UGT8: variants seen among roughly 807,000 people sequenced by gnomAD.
UGT8 encodes 2-hydroxyacylsphingosine 1-beta-galactosyltransferase.
In UGT8, 12 loss-of-function variants were observed where a neutral mutation model predicts 40.5. The observed-to-expected ratio is 0.30, with a 90% CI of 0.19 to 0.48. The LOEUF is 0.48. UGT8 is among the 20% of genes least tolerant of loss of function. The pLI is 0.99. For missense variants in UGT8, 513 were observed against 648.7 expected, an observed-to-expected ratio of 0.79 and a Z score of 2.27; for synonymous variants, 224 against 240.4, an observed-to-expected ratio of 0.93 and a Z score of 0.63.
In UGT8 at chr4:114,649,730, C is replaced by T. The variant is rs577405666; in HGVS notation, c.823-14265C>T. 4.6e-5 allele frequency among the ~76,000 whole-genome samples: 7 copies of T among 152,088 alleles called. 1 individual carries two copies. In the East Asian group the frequency reaches 1.2e-3, roughly 25 times the overall value. The stretch of plus-strand genomic sequence containing the variant: ...GTCTTTAGCTGGGCTGCAGTATGCC[C>T]GGCTAAAAGTTGGAAGTTGTTACTA... On this transcript the variant is annotated intron_variant, in intron 2 of 5. Coordinates refer to ENST00000310836, the MANE Select transcript of UGT8 (RefSeq NM_001128174.3).
intron 2 of UGT8, among the ~76,000 whole-genome samples, chr4:114,639,879 T>C (rs1181847378): frequency 2.0e-5 from 3 of 152,212 alleles, no homozygotes; most frequent in Non-Finnish European, 4.4e-5. Context: ...GGGGATCATA[T>C]GAAAGCAATG....
At chr4:114,668,885 G>T (rs1735061384) in intron 5 of UGT8, among the ~76,000 whole-genome samples, 1 of 152,074 alleles carries the variant, frequency 6.6e-6, no homozygotes, top group Non-Finnish European at 1.5e-5. Context: ...ATTATTGATG[G>T]GTCCTGAGTT....
At chr4:114,648,487 G>A (rs1733715676) in intron 2 of UGT8, among the ~76,000 whole-genome samples, 1 of 151,002 alleles carries the variant, frequency 6.6e-6, no homozygotes, top group African/African-American at 2.4e-5. Context: ...TGCCATTATG[G>A]CACAAAAATG....
intron 4 of UGT8, among the ~76,000 whole-genome samples, chr4:114,666,349 T>TA (rs1403839187): frequency 6.6e-6 from 1 of 152,178 alleles, no homozygotes; most frequent in African/African-American, 2.4e-5. Context: ...ATTAAAATAG[T>TA]AATTAGTATA....
At chr4:114,609,621 G>T (rs1389450155) in intron 1 of UGT8, among the ~76,000 whole-genome samples, 4 of 152,050 alleles carry the variant, frequency 2.6e-5, no homozygotes, top group African/African-American at 7.2e-5. Flanking sequence ...AAATTTGTGT[G>T]GGGGAGGGAT....
intron 2 of UGT8, among the ~76,000 whole-genome samples, chr4:114,638,667 A>G (rs1259591048): frequency 6.6e-6 from 1 of 152,180 alleles, no homozygotes; most frequent in Non-Finnish European, 1.5e-5. Flanking sequence ...AACATGACTG[A>G]CATTTTAGGT....
chr4:114,662,790 G>C (rs1297853203), intron 2 of UGT8, among the ~76,000 whole-genome samples: 2 of 149,142 alleles, frequency 1.3e-5, no homozygotes, highest in African/African-American at 4.9e-5. Flanking sequence ...TTAATTAAGG[G>C]GTGCAGTGAT....
chr4:114,653,159 G>C (rs1277277164), intron 2 of UGT8, among the ~76,000 whole-genome samples: 1 of 152,060 alleles, frequency 6.6e-6, no homozygotes, highest in Non-Finnish European at 1.5e-5. Context: ...CAAGTTCCTA[G>C]TTTTCTAGTC....
chr4:114,665,107 A>G (rs1734774008), intron 3 of UGT8, among the ~76,000 whole-genome samples: 1 of 152,144 alleles, frequency 6.6e-6, no homozygotes, highest in African/African-American at 2.4e-5. Flanking sequence ...CTCTTTTGTC[A>G]CCCTCTTAGT....
chr4:114,676,006 A>G lies in UGT8; in HGVS notation c.1344A>G (p.Ile448Met). The G allele has an allele frequency of 6.2e-7, 1 of 1,614,160 alleles. No homozygotes were observed. The highest frequency in any genetic ancestry group is 8.5e-7 in the Non-Finnish European group (1 of 1,180,026). The stretch of plus-strand genomic sequence containing the variant: ...CTGTCAATCGAACTATCTATTGGAT[A>G]GATTATATTATTCGTCACAATGGAG... Reference protein sequence around the residue: ...GHPVNRTIYWIDYIIRHNGAH... With the variant: ...GHPVNRTIYWMDYIIRHNGAH... Residue 448 changes from isoleucine to methionine, a missense_variant, in exon 6 of 6, where the codon ATA (isoleucine) becomes ATG (methionine). Around this residue, in one of 3 missense-constraint regions of UGT8, gnomAD observed 175 missense variants for 186.7 expected, o/e 0.94. Coordinates refer to ENST00000310836, the MANE Select transcript of UGT8 (RefSeq NM_001128174.3).
chr4:114,667,624 A>C (rs530863748), intron 4 of UGT8, among the ~76,000 whole-genome samples: 1 of 152,184 alleles, frequency 6.6e-6, no homozygotes, highest in Admixed American at 6.5e-5. Flanking sequence ...TTTTTGGAGA[A>C]GCACACAAAC....
At chr4:114,633,958 A>G (rs1464437532) in intron 2 of UGT8, among the ~76,000 whole-genome samples, 1 of 151,520 alleles carries the variant, frequency 6.6e-6, no homozygotes, top group Admixed American at 6.6e-5. Context: ...AAAAAGGATC[A>G]CTCTGGTTGC....
intron 4 of UGT8, 53 bp downstream of exon 4, chr4:114,665,809 A>G: frequency 6.7e-7 from 1 of 1,482,894 alleles, no homozygotes. Context: ...TAATTACATA[A>G]ATGTGACTTT....
At chr4:114,675,849 T>C in intron 5 of UGT8, 76 bp from the exon 6 acceptor site, 1 of 1,497,726 alleles carries the variant, frequency 6.7e-7, no homozygotes, top group Non-Finnish European at 8.9e-7. Context: ...TATTTCCCCT[T>C]TTTAAATGAA....
Position 114,664,088 on chromosome 4 carries a change from A to C in UGT8, c.916A>C (p.Asn306His). 6.2e-7 allele frequency: 1 copy of C among 1,614,094 alleles called. No homozygotes were observed. Among genetic ancestry groups the C allele is most frequent in the Non-Finnish European group, 8.5e-7 (1 of 1,179,978 alleles). ...CAAGTATCTGTCAGAAGACATTGCT[A>C]ACAAACTGGCAGGAGCTCTGGGGAG... is the stretch of plus-strand genomic sequence containing the variant. ...GVKYLSEDIA[N>H]KLAGALGRLP... is the part of the protein sequence containing the mutation. Residue 306 changes from asparagine to histidine, a missense_variant, in exon 3 of 6, where the codon AAC (asparagine) becomes CAC (histidine). Around this residue, in one of 3 missense-constraint regions of UGT8, gnomAD observed 335 missense variants for 444.8 expected, o/e 0.75. Transcript: ENST00000310836.
At position 114,645,520 on chromosome 4, in the gene UGT8, A is replaced by AT. The variant is rs578242495; in HGVS notation, c.823-18468dup. Among the ~76,000 whole-genome samples, 385 of 152,162 alleles carry AT rather than the reference A, an allele frequency of 2.5e-3. 17 individuals carry two copies. In the South Asian group the frequency reaches 0.076, roughly 30 times the overall value. On this transcript the variant is annotated intron_variant, in intron 2 of 5. Transcript: ENST00000310836. Reference sequence around the variant, plus strand: ...TTCATCACGCCATATTACACATAATATTTTTTTGTGCTTCTATATCACATT... The same window carrying AT: ...TTCATCACGCCATATTACACATAATATTTTTTTTGTGCTTCTATATCACATT...
chr4:114,607,293 C>T (rs1333619270), intron 1 of UGT8, among the ~76,000 whole-genome samples: 7 of 152,074 alleles, frequency 4.6e-5, no homozygotes, highest in Non-Finnish European at 8.8e-5. Context: ...TATAGCTCAC[C>T]ACCTGCCTCA....
At chr4:114,647,906 A>C (rs746786756) in intron 2 of UGT8, among the ~76,000 whole-genome samples, 1 of 152,194 alleles carries the variant, frequency 6.6e-6, no homozygotes, top group Admixed American at 6.5e-5. Context: ...GTTAATTGAC[A>C]TAACTGTGGA....
At chr4:114,616,429 G>A (rs555674957) in intron 1 of UGT8, among the ~76,000 whole-genome samples, 1 of 152,288 alleles carries the variant, frequency 6.6e-6, no homozygotes, top group East Asian at 1.9e-4. Flanking sequence ...CTGGTGTGCT[G>A]TTTGCTAAGA....
Sources: allele counts gnomAD v4.1 joint callset (sites outside exome capture counted in the v4.1 genomes callset), GRCh38; gene constraint gnomAD v4.1.1; regional missense constraint gnomAD v4.1.1; transcripts MANE v1.5; gene names NCBI Gene and HGNC (gene_info 2026-07-23, HGNC 2026-07-21).